TP63: variants seen among roughly 807,000 people sequenced by gnomAD.
The protein encoded by TP63 is tumor protein p63.
In TP63, 17 loss-of-function variants were observed where a neutral mutation model predicts 82.8. The ratio of observed to expected loss-of-function variants is 0.21; its 90% confidence interval spans 0.14 to 0.31. TP63 has a LOEUF of 0.31. Among genes scored for constraint, TP63 ranks in the 10% least tolerant of loss-of-function variants. The probability of loss-of-function intolerance (pLI) is 1.00; values close to 1 mark genes in which losing one functional copy is unlikely to be tolerated. For missense variants in TP63, 648 were observed against 895.3 expected (o/e 0.72, Z 3.52); for synonymous variants, 330 against 321.7 (o/e 1.03, Z -0.28).
the TP63 span, among the ~76,000 whole-genome samples, chr3:189,600,061 A>G: frequency 1.1e-4 from 16 of 152,170 alleles, no homozygotes; most frequent in African/African-American, 3.6e-4. Context: ...AGGCAAAAAC[A>G]TTTATTTTAC....
chr3:189,680,751 A>G (rs564671178), intron 1 of TP63, among the ~76,000 whole-genome samples: 3 of 152,270 alleles, frequency 2.0e-5, no homozygotes, highest in Admixed American at 6.5e-5. Context: ...GTGACTGGGT[A>G]TGCTGACATG....
rs2108806664 is a variant in TP63, at chr3:189,868,656, G to C, written c.1069G>C (p.Asp357His). 1 of 1,614,160 alleles carries C rather than the reference G, an allele frequency of 6.2e-7. No homozygotes were observed. The highest frequency in any genetic ancestry group is 8.5e-7 in the Non-Finnish European group (1 of 1,180,018). Residue 357 changes from aspartate to histidine, a missense_variant, in exon 8 of 14, where the codon GAT (aspartate) becomes CAT (histidine). Coordinates refer to ENST00000264731, the MANE Select transcript of TP63 (RefSeq NM_003722.5). ...CPGRDRKADE[D>H]SIRKQQVSDS... ...AGGAAGAGACAGGAAGGCGGATGAA[G>C]ATAGCATCAGAAAGCAGCAAGTTTC...
chr3:189,790,462 A>G (rs907538545), intron 3 of TP63, among the ~76,000 whole-genome samples: 3 of 152,046 alleles, frequency 2.0e-5, no homozygotes, highest in African/African-American at 7.2e-5. Flanking sequence ...TTAAATATTT[A>G]TACATGCATA....
chr3:189,672,634 A>AGGG (rs1714995849), intron 1 of TP63, among the ~76,000 whole-genome samples: 1 of 103,608 alleles, frequency 9.7e-6, no homozygotes, highest in Non-Finnish European at 2.1e-5. Flanking sequence ...GGAAGGAAGG[A>AGGG]AGGGAGGGAG....
chr3:189,819,489 C>T (rs559627174), intron 4 of TP63, among the ~76,000 whole-genome samples: 5 of 152,090 alleles, frequency 3.3e-5, no homozygotes, highest in Middle Eastern at 3.2e-3. Flanking sequence ...GTTCCCCTTC[C>T]TGTGTCCAGG....
At chr3:189,806,787 T>C (rs974846190) in intron 3 of TP63, among the ~76,000 whole-genome samples, 2 of 152,088 alleles carry the variant, frequency 1.3e-5, no homozygotes, top group African/African-American at 4.8e-5. Context: ...TGCGAATGCA[T>C]GAATGTAATG....
At position 189,895,812 on chromosome 3, in the gene TP63, A is replaced by G; in HGVS notation, c.*1310A>G. 1 of 226,072 alleles carries G rather than the reference A, an allele frequency of 4.4e-6. No homozygotes were observed. Among genetic ancestry groups the G allele is most frequent in the Non-Finnish European group, 8.8e-6 (1 of 113,722 alleles). 14.0% of individuals were successfully genotyped at this position (226,072 alleles called of 1,614,324 possible). On this transcript the variant is annotated 3_prime_UTR_variant, in exon 14 of 14. Coordinates refer to ENST00000264731, the MANE Select transcript of TP63 (RefSeq NM_003722.5). Reference sequence around the variant, plus strand: ...TACAATAGGAGTGGTGATTTGAAAAATATAAAATTATGAGATTGGTTTTCC... The same window carrying G: ...TACAATAGGAGTGGTGATTTGAAAAGTATAAAATTATGAGATTGGTTTTCC...
chr3:189,861,321 G>T (rs1000864766), intron 4 of TP63, among the ~76,000 whole-genome samples: 1 of 152,130 alleles, frequency 6.6e-6, no homozygotes, highest in African/African-American at 2.4e-5. Flanking sequence ...TTGCTGCAAA[G>T]GACATGATTT....
rs185457039 is a variant in TP63 at position 189,740,538 on chromosome 3, C to T, written c.324+1764C>T. ...TTTTATGAGCAGGGTCTCCCTCTGT[C>T]GCCCAGGTTGGAGTGCAGTGGCGCA... is the stretch of plus-strand genomic sequence containing the variant. On this transcript the variant is annotated intron_variant, in intron 3 of 13. Coordinates refer to ENST00000264731, the MANE Select transcript of TP63 (RefSeq NM_003722.5). Among the ~76,000 whole-genome samples, 929 of 151,358 alleles carry T rather than the reference C, an allele frequency of 6.1e-3. 2 individuals are homozygous for T. The highest frequency in any genetic ancestry group is 0.011 in the Non-Finnish European group (758 of 68,006).
At chr3:189,669,355 A>G (rs1013001657) in intron 1 of TP63, among the ~76,000 whole-genome samples, 23 of 149,258 alleles carry the variant, frequency 1.5e-4, no homozygotes, top group African/African-American at 5.6e-4. Flanking sequence ...GGTGTGTACT[A>G]CAAAAAAAAA....
chr3:189,620,245 C>T, the TP63 span, among the ~76,000 whole-genome samples: 1 of 151,744 alleles, frequency 6.6e-6, no homozygotes, highest in Middle Eastern at 3.2e-3. Flanking sequence ...GTAGTGTGTG[C>T]CGGGCGTGGT....
At chr3:189,735,475 G>T (rs1720513219) in intron 1 of TP63, among the ~76,000 whole-genome samples, 1 of 152,148 alleles carries the variant, frequency 6.6e-6, no homozygotes. Context: ...TACTGATGTA[G>T]TTAGTGGAAT....
At chr3:189,765,687 C>T (rs1054329288) in intron 3 of TP63, among the ~76,000 whole-genome samples, 8 of 151,680 alleles carry the variant, frequency 5.3e-5, no homozygotes, top group Admixed American at 3.9e-4. Flanking sequence ...CCCACCTCGG[C>T]CTCCCAAAGT....
At position 189,631,545 on chromosome 3, in the gene TP63, C is replaced by G. The variant is rs764188703; in HGVS notation, c.30C>G (p.Thr10=). The G allele has an allele frequency of 6.2e-7, 1 of 1,612,838 alleles. No individual in the cohort carries two copies. Among genetic ancestry groups the G allele is most frequent in the Non-Finnish European group, 8.5e-7 (1 of 1,179,138 alleles). MNFETSRCA[T]LQYCPDPYIQ... The stretch of plus-strand genomic sequence containing the variant: ...ATTTTGAAACTTCACGGTGTGCCAC[C>G]CTACAGTACTGCCCTGACCCTTACA... Residue 10 remains threonine, a synonymous_variant, in exon 1 of 14, where the codon ACC becomes ACG. Transcript: ENST00000264731.
chr3:189,739,816 G>A (rs903336054), intron 3 of TP63, among the ~76,000 whole-genome samples: 2 of 148,094 alleles, frequency 1.4e-5, no homozygotes, highest in Non-Finnish European at 1.5e-5. Context: ...ATTTATTTAC[G>A]GCACAAGTCC....
chr3:189,873,304 A>G (rs1718663976), intron 10 of TP63: 3 of 437,106 alleles, frequency 6.9e-6, no homozygotes, highest in East Asian at 9.5e-5. Context: ...CAGTAAGTAC[A>G]CACTCTATTT....
the TP63 span, among the ~76,000 whole-genome samples, chr3:189,620,843 C>G: frequency 6.6e-6 from 1 of 152,246 alleles, no homozygotes; most frequent in Non-Finnish European, 1.5e-5. Flanking sequence ...CTCCGTACCA[C>G]ACATCTTTCA....
intron 3 of TP63, among the ~76,000 whole-genome samples, chr3:189,790,007 A>ATTT (rs557500463): frequency 1.4e-5 from 2 of 145,822 alleles, no homozygotes; most frequent in Non-Finnish European, 3.0e-5. Flanking sequence ...TGGCTGTAAG[A>ATTT]TTTTTTTTTT....
chr3:189,657,025 A>G (rs1159719624), intron 1 of TP63, among the ~76,000 whole-genome samples: 2 of 151,860 alleles, frequency 1.3e-5, no homozygotes, highest in South Asian at 2.1e-4. Flanking sequence ...GCATGCAAAA[A>G]AAAAAAAAGA....
Sources: gnomAD v4.1 joint callset for allele counts (sites outside exome capture counted in the v4.1 genomes callset) on GRCh38, gnomAD v4.1.1 for gene constraint, MANE v1.5 for transcripts, NCBI Gene and HGNC (gene_info 2026-07-23, HGNC 2026-07-21) for gene names.